SULT2B1: variants seen among roughly 807,000 people sequenced by gnomAD.
SULT2B1 encodes the protein sulfotransferase family 2B member 1.
SULT2B1 carries 16 observed loss-of-function variants against 33.2 expected under a neutral mutation model. That is an observed-to-expected ratio of 0.48 (90% CI 0.33 to 0.73). SULT2B1 has a LOEUF of 0.73. Among genes scored for constraint, SULT2B1 ranks in the 30% least tolerant of loss-of-function variants. The pLI, the probability that SULT2B1 is intolerant of heterozygous loss-of-function variation, is 0.02. For synonymous variants in SULT2B1, 186 were observed against 200.5 expected, an observed-to-expected ratio of 0.93 and a Z score of 0.61; for missense variants, 500 against 506.0, an observed-to-expected ratio of 0.99 and a Z score of 0.11.
intron 1 of SULT2B1, 47 bp from the exon 2 acceptor site, chr19:48,575,894 C>A: frequency 6.3e-7 from 1 of 1,583,620 alleles, no homozygotes; most frequent in Non-Finnish European, 8.6e-7. Context: ...AACTCCAGCA[C>A]CCACCTCCCT....
intron 1 of SULT2B1, among the ~76,000 whole-genome samples, chr19:48,573,682 G>C (rs1973361960): frequency 6.6e-6 from 1 of 152,076 alleles, no homozygotes; most frequent in African/African-American, 2.4e-5. Flanking sequence ...TGGGGAAGGA[G>C]GGACTGAGTC....
chr19:48,569,152 G>C (rs1474278741), intron 1 of SULT2B1, among the ~76,000 whole-genome samples: 2 of 151,058 alleles, frequency 1.3e-5, no homozygotes, highest in Non-Finnish European at 2.9e-5. Flanking sequence ...ACCATCCTGG[G>C]TAACATGGTG....
chr19:48,596,594 C>T, intron 5 of SULT2B1, 145 bp from the exon 6 acceptor site: 1 of 829,650 alleles, frequency 1.2e-6, no homozygotes, highest in Non-Finnish European at 1.8e-6. Context: ...CCCAACCCCT[C>T]AGTTTGGAGT....
intron 1 of SULT2B1, among the ~76,000 whole-genome samples, chr19:48,566,980 G>A (rs1973252401): frequency 6.6e-6 from 1 of 151,966 alleles, no homozygotes; most frequent in Admixed American, 6.6e-5. Context: ...TCCAACCTGG[G>A]CGATAGAGCA....
At position 48,591,464 on chromosome 19, in the gene SULT2B1, C is replaced by T. The variant is rs1049508458; in HGVS notation, c.424-145C>T. 4.3e-6 allele frequency: 4 copies of T among 924,044 alleles called. No individual in the cohort carries two copies. The African/African-American group carries it at 5.1e-5, about 12-fold the overall frequency. 57.2% of individuals were successfully genotyped at this position (924,044 alleles called of 1,614,324 possible). A position where few individuals can be genotyped will look rare whatever the true frequency, so the allele number is the denominator to read the frequency against. On this transcript the variant is annotated intron_variant, in intron 3 of 6. Coordinates refer to ENST00000201586, the MANE Select transcript of SULT2B1 (RefSeq NM_177973.2). ...CCAGCCTGGGCGAAACAGAGTCAGACTCCATCGCAAAAAAAAAAGAGTCTG... is the reference window on the plus strand; with the variant it reads ...CCAGCCTGGGCGAAACAGAGTCAGATTCCATCGCAAAAAAAAAAGAGTCTG...
chr19:48,582,778 G>A (rs181692883), intron 2 of SULT2B1, among the ~76,000 whole-genome samples: 9 of 152,094 alleles, frequency 5.9e-5, no homozygotes, highest in Non-Finnish European at 1.0e-4. Context: ...GGGAGGCAGA[G>A]GTTGTAGTGA....
intron 3 of SULT2B1, among the ~76,000 whole-genome samples, chr19:48,588,850 T>G (rs1973603927): frequency 6.6e-6 from 1 of 151,896 alleles, no homozygotes; most frequent in African/African-American, 2.4e-5. Context: ...GAGGTGGGTG[T>G]ATCTGAGGTG....
intron 1 of SULT2B1, 196 bp from the exon 2 acceptor site, chr19:48,575,745 T>C: frequency 1.1e-6 from 1 of 935,946 alleles, no homozygotes; most frequent in South Asian, 2.3e-5. Flanking sequence ...TCTCCCAAAG[T>C]GCTGGGATTA....
intron 1 of SULT2B1, among the ~76,000 whole-genome samples, chr19:48,568,159 GC>G: frequency 6.6e-6 from 1 of 151,852 alleles, no homozygotes; most frequent in East Asian, 1.9e-4. Context: ...TGTAGTCCCA[GC>G]TACTGGGGAA....
chr19:48,552,343 A>T lies in SULT2B1; in HGVS notation c.71+20A>T. ...AATCAGGTGAGGCCCAGACCTGGGCAGGAGCCAGGAGATCCCAGGGAGGAG... is the reference window on the plus strand; with the variant it reads ...AATCAGGTGAGGCCCAGACCTGGGCTGGAGCCAGGAGATCCCAGGGAGGAG... On this transcript the variant is annotated intron_variant, in intron 1 of 6. Coordinates refer to ENST00000201586, the MANE Select transcript of SULT2B1 (RefSeq NM_177973.2). The surrounding 1 kb of genome is among the most constrained non-coding windows in gnomAD (Gnocchi z 4.8). The T allele has an allele frequency of 6.2e-7, 1 of 1,612,314 alleles. No homozygotes were observed. Among genetic ancestry groups the T allele is most frequent in the Non-Finnish European group, 8.5e-7 (1 of 1,178,954 alleles).
chr19:48,586,527 G>A (rs754529419), intron 2 of SULT2B1, among the ~76,000 whole-genome samples: 3 of 152,022 alleles, frequency 2.0e-5, no homozygotes, highest in Non-Finnish European at 2.9e-5. Flanking sequence ...ACATCACATC[G>A]CCGCCACCTA....
At chr19:48,563,972 A>C (rs1973211423) in intron 1 of SULT2B1, among the ~76,000 whole-genome samples, 1 of 151,540 alleles carries the variant, frequency 6.6e-6, no homozygotes, top group Non-Finnish European at 1.5e-5. Context: ...AAAAAAAAAA[A>C]AACAAAAGAA....
chr19:48,553,371 G>C (rs529010918), intron 1 of SULT2B1, among the ~76,000 whole-genome samples: 1 of 152,112 alleles, frequency 6.6e-6, no homozygotes, highest in Non-Finnish European at 1.5e-5. Flanking sequence ...GCAATGGCAC[G>C]ATATCAGCTC....
chr19:48,576,840 C>G (rs894483231), intron 2 of SULT2B1, among the ~76,000 whole-genome samples: 4 of 148,066 alleles, frequency 2.7e-5, no homozygotes, highest in Non-Finnish European at 6.0e-5. Flanking sequence ...AGGGTTTCAT[C>G]ATGTTGCCCA....
chr19:48,556,366 T>C (rs1973100235), intron 1 of SULT2B1, among the ~76,000 whole-genome samples: 1 of 152,098 alleles, frequency 6.6e-6, no homozygotes, highest in Non-Finnish European at 1.5e-5. Context: ...AATGAATGAA[T>C]GGAGGCTCCA....
chr19:48,573,629 C>T (rs1296151587), intron 1 of SULT2B1, among the ~76,000 whole-genome samples: 2 of 152,042 alleles, frequency 1.3e-5, no homozygotes, highest in Non-Finnish European at 2.9e-5. Flanking sequence ...GGTAGGACTA[C>T]TGCTCGGTGC....
At chr19:48,588,707 G>A (rs1973601587) in intron 3 of SULT2B1, among the ~76,000 whole-genome samples, 1 of 151,928 alleles carries the variant, frequency 6.6e-6, no homozygotes, top group South Asian at 2.1e-4. Flanking sequence ...GGTGGGTGTG[G>A]GGCTGCAATT....
chr19:48,552,413 A>G lies in SULT2B1; in HGVS notation c.71+90A>G. On this transcript the variant is annotated intron_variant, in intron 1 of 6. Coordinates refer to ENST00000201586, the MANE Select transcript of SULT2B1 (RefSeq NM_177973.2). This position sits in a 1 kb window ranked among gnomAD's most constrained non-coding sequence, Gnocchi z 4.8. ...GGGGACTGTGGCAAGGGTGGCCTCC[A>G]GCCACCCGCAGCCGCAGGCCTGGCC... 1 of 1,338,250 alleles carries G rather than the reference A, an allele frequency of 7.5e-7. No homozygotes were observed. 82.9% of individuals were successfully genotyped at this position (1,338,250 alleles called of 1,614,324 possible).
intron 5 of SULT2B1, 195 bp from the exon 6 acceptor site, chr19:48,596,544 C>T (rs1973717469): frequency 3.3e-6 from 2 of 600,538 alleles, no homozygotes; most frequent in Non-Finnish European, 5.7e-6. Flanking sequence ...AGAGAACCCT[C>T]CAAAGACAGA....
Sources: allele counts gnomAD v4.1 joint callset (sites outside exome capture counted in the v4.1 genomes callset), GRCh38; gene constraint gnomAD v4.1.1; non-coding constraint Gnocchi (gnomAD v3.1); transcripts MANE v1.5; gene names NCBI Gene and HGNC (gene_info 2026-07-23, HGNC 2026-07-21).